The following PHACTR1 variants were observed in gnomAD, a reference collection of about 807,000 sequenced individuals.
The protein encoded by PHACTR1 is phosphatase and actin regulator 1.
In PHACTR1, 16 loss-of-function variants were observed where a neutral mutation model predicts 69.2. The ratio of observed to expected loss-of-function variants is 0.23; its 90% CI spans 0.16 to 0.35. The LOEUF is 0.35. PHACTR1 is among the 10% of genes least tolerant of loss of function. The probability of loss-of-function intolerance (pLI) is 1.00; values close to 1 mark genes in which losing one functional copy is unlikely to be tolerated. For missense variants in PHACTR1, 510 were observed against 734.7 expected (o/e 0.69, Z 3.54); for synonymous variants, 312 against 284.5 (o/e 1.10, Z -0.97).
chr6:13,003,643 T>C (rs1026013432), intron 4 of PHACTR1, among the ~76,000 whole-genome samples: 1 of 151,982 alleles, frequency 6.6e-6, no homozygotes, highest in Non-Finnish European at 1.5e-5. Context: ...TACATGGATA[T>C]ATTATGGAGA....
intron 4 of PHACTR1, among the ~76,000 whole-genome samples, chr6:12,833,510 C>G (rs921650172): frequency 5.9e-5 from 9 of 152,130 alleles, no homozygotes; most frequent in Non-Finnish European, 1.2e-4. Flanking sequence ...CTGCCCGCCT[C>G]AGCCTCCCAA....
At chr6:12,996,146 G>T (rs1797387794) in intron 4 of PHACTR1, among the ~76,000 whole-genome samples, 1 of 152,038 alleles carries the variant, frequency 6.6e-6, no homozygotes, top group African/African-American at 2.4e-5. Context: ...AATTAGCCAT[G>T]CCGTCAACTC....
chr6:13,175,315 C>T (rs976042363), intron 6 of PHACTR1, among the ~76,000 whole-genome samples: 9 of 152,154 alleles, frequency 5.9e-5, no homozygotes, highest in African/African-American at 2.2e-4. Flanking sequence ...CGCTTTTTCT[C>T]ATCTCTTCCA....
chr6:12,829,692 T>C (rs540611224), intron 4 of PHACTR1, among the ~76,000 whole-genome samples: 1 of 151,610 alleles, frequency 6.6e-6, no homozygotes, highest in Non-Finnish European at 1.5e-5. Context: ...CGGTGGCTCA[T>C]GCCTGTAATC....
intron 10 of PHACTR1, among the ~76,000 whole-genome samples, chr6:13,247,326 C>CGGGTGTGTGT (rs1773704712): frequency 7.2e-6 from 1 of 138,998 alleles, no homozygotes; most frequent in Non-Finnish European, 1.5e-5. Context: ...CAAGTTCCCT[C>CGGGTGTGTGT]GTGTGTGTGT....
intron 13 of PHACTR1, among the ~76,000 whole-genome samples, chr6:13,284,531 AAAAAAAAAAAAAAT>A (rs1781070099): frequency 9.3e-6 from 1 of 107,102 alleles, no homozygotes; most frequent in Non-Finnish European, 1.7e-5. Context: ...AAAAAAAAAA[AAAAAAAAAAAAAAT>A]ATATATATAT....
At chr6:13,100,533 G>T (rs898911045) in intron 5 of PHACTR1, among the ~76,000 whole-genome samples, 1 of 152,094 alleles carries the variant, frequency 6.6e-6, no homozygotes, top group Admixed American at 6.6e-5. Flanking sequence ...ACTGTTGCAC[G>T]TTATATTTAT....
rs9381381 is a variant in PHACTR1, at chr6:12,742,939, C to T, written c.104-6705C>T. On this transcript the variant is annotated intron_variant, in intron 3 of 14. Coordinates refer to ENST00000332995, the MANE Select transcript of PHACTR1 (RefSeq NM_030948.6). ...CATTCCTACACAAAGAGTACAACAG[C>T]AAATATATTCCACAACAGTAAAGGA... Among the ~76,000 whole-genome samples the T allele has an allele frequency of 5.3e-3, 811 of 152,184 alleles. 23 individuals carry two copies. The East Asian group carries it at 0.081, about 15-fold the overall frequency.
intron 5 of PHACTR1, among the ~76,000 whole-genome samples, chr6:13,064,235 G>C (rs1458767192): frequency 1.3e-5 from 2 of 151,882 alleles, no homozygotes; most frequent in Non-Finnish European, 2.9e-5. Context: ...ACTGAAGACT[G>C]TGAACAGATC....
intron 4 of PHACTR1, among the ~76,000 whole-genome samples, chr6:13,038,573 A>T (rs191190145): frequency 6.6e-6 from 1 of 152,186 alleles, no homozygotes; most frequent in East Asian, 1.9e-4. Flanking sequence ...TCTGCCAGAG[A>T]CAGAGTGTGA....
chr6:12,778,900 C>T (rs1471850309), intron 4 of PHACTR1, among the ~76,000 whole-genome samples: 1 of 152,234 alleles, frequency 6.6e-6, no homozygotes, highest in Non-Finnish European at 1.5e-5. Flanking sequence ...TCCCCCCTCC[C>T]CTGCAGACAC....
chr6:13,182,813 T>G, intron 7 of PHACTR1, 127 bp downstream of exon 7: 1 of 902,434 alleles, frequency 1.1e-6, no homozygotes, highest in Non-Finnish European at 1.6e-6. Flanking sequence ...TCTGGAAATT[T>G]AGTGAAACAG....
At chr6:12,792,667 A>T (rs914693154) in intron 4 of PHACTR1, among the ~76,000 whole-genome samples, 1 of 151,920 alleles carries the variant, frequency 6.6e-6, no homozygotes, top group African/African-American at 2.4e-5. Context: ...TGTGATCATG[A>T]TCTTCCAATT....
chr6:12,910,243 A>G (rs1261449948), intron 4 of PHACTR1, among the ~76,000 whole-genome samples: 3 of 152,146 alleles, frequency 2.0e-5, no homozygotes, highest in Non-Finnish European at 1.5e-5. Flanking sequence ...CAGGCCCTTT[A>G]GTGTATCTAT....
intron 4 of PHACTR1, among the ~76,000 whole-genome samples, chr6:13,044,534 G>C (rs1008322836): frequency 6.6e-6 from 1 of 152,164 alleles, no homozygotes; most frequent in Non-Finnish European, 1.5e-5. Context: ...TGATTGGCCA[G>C]CACTGGGTCA....
intron 10 of PHACTR1, among the ~76,000 whole-genome samples, chr6:13,250,405 T>C (rs1774221810): frequency 6.6e-6 from 1 of 152,210 alleles, no homozygotes; most frequent in Non-Finnish European, 1.5e-5. Flanking sequence ...CTGTGAAGCA[T>C]CATATAGCAT....
In PHACTR1 at chr6:13,119,596, C is replaced by T. The variant is rs558164480; in HGVS notation, c.416-40608C>T. ...TCCCAGCCCCTGCAGCTACAACTCA[C>T]GTCCCAGGTTTGTTGCTTTTGCATC... On this transcript the variant is annotated intron_variant, in intron 5 of 14. Coordinates refer to ENST00000332995, the MANE Select transcript of PHACTR1 (RefSeq NM_030948.6). Among the ~76,000 whole-genome samples the T allele has an allele frequency of 3.5e-4, 53 of 152,310 alleles. No homozygotes were observed. The South Asian group carries it at 6.6e-3, about 19-fold the overall frequency.
intron 8 of PHACTR1, among the ~76,000 whole-genome samples, chr6:13,219,594 A>G (rs368604443): frequency 3.3e-5 from 5 of 152,222 alleles, no homozygotes; most frequent in East Asian, 3.9e-4. Context: ...CTTGTCGCCT[A>G]TTCTCTCCGC....
At chr6:13,012,974 G>T (rs1799611950) in intron 4 of PHACTR1, among the ~76,000 whole-genome samples, 1 of 152,204 alleles carries the variant, frequency 6.6e-6, no homozygotes, top group Admixed American at 6.5e-5. Flanking sequence ...CCGGGAGTTC[G>T]AGGCTGCAGT....
Sources: gnomAD v4.1 joint callset for allele counts (sites outside exome capture counted in the v4.1 genomes callset) on GRCh38, gnomAD v4.1.1 for gene constraint, MANE v1.5 for transcripts, NCBI Gene and HGNC (gene_info 2026-07-23, HGNC 2026-07-21) for gene names.